Variants in DCUN1D4 observed in about 807,000 individuals in gnomAD.
The protein encoded by DCUN1D4 is DCN1-like protein 4.
DCUN1D4 carries 22 observed loss-of-function variants against 47.9 expected under a neutral mutation model. The observed-to-expected ratio is 0.46, with a 90% CI of 0.33 to 0.66. The LOEUF is 0.66. DCUN1D4 is among the 30% of genes least tolerant of loss of function. The probability of loss-of-function intolerance (pLI) is 0.02; values close to 1 mark genes in which losing one functional copy is unlikely to be tolerated. For synonymous variants in DCUN1D4, 121 were observed against 112.2 expected (o/e 1.08, Z -0.50); for missense variants, 301 against 340.8 (o/e 0.88, Z 0.92).
At chr4:51,867,915 AG>A (rs1170156689) in intron 3 of DCUN1D4, among the ~76,000 whole-genome samples, 2 of 152,186 alleles carry the variant, frequency 1.3e-5, no homozygotes, top group African/African-American at 4.8e-5. Context: ...GTTCGTGCCA[AG>A]GGGCACCTGC....
At chr4:51,869,086 T>C (rs1352504733) in intron 3 of DCUN1D4, among the ~76,000 whole-genome samples, 1 of 125,236 alleles carries the variant, frequency 8.0e-6, no homozygotes, top group Non-Finnish European at 1.5e-5. Flanking sequence ...CTCATGCCAC[T>C]GCACTGTAGC....
upstream of DCUN1D4, chr4:51,842,913 A>T: frequency 1.9e-6 from 1 of 513,130 alleles, no homozygotes; most frequent in Non-Finnish European, 2.9e-6. Context: ...GGTGACTGAC[A>T]GCAGCCGGGC....
chr4:51,865,855 A>T (rs1577901449), intron 3 of DCUN1D4, among the ~76,000 whole-genome samples: 1 of 152,078 alleles, frequency 6.6e-6, no homozygotes, highest in African/African-American at 2.4e-5. Context: ...TCAGCATTTC[A>T]CCTGAATCAC....
intron 7 of DCUN1D4, among the ~76,000 whole-genome samples, chr4:51,893,371 G>A (rs947495636): frequency 1.3e-5 from 2 of 151,854 alleles, no homozygotes; most frequent in Non-Finnish European, 2.9e-5. Flanking sequence ...CTATTCACTC[G>A]TTTTTTCATT....
the DCUN1D4 span, among the ~76,000 whole-genome samples, chr4:51,835,973 C>T: frequency 2.0e-3 from 312 of 152,282 alleles, no homozygotes; most frequent in Admixed American, 5.0e-3. Context: ...TTCCTCCTCC[C>T]ACTGCTCCAC....
chr4:51,887,114 T>C, intron 6 of DCUN1D4: 1 of 455,506 alleles, frequency 2.2e-6, no homozygotes, highest in Middle Eastern at 3.3e-4. Context: ...TTGCTTTTTT[T>C]TTTTTGAGAT....
intron 8 of DCUN1D4, among the ~76,000 whole-genome samples, chr4:51,902,145 G>A (rs1436315839): frequency 2.0e-5 from 3 of 152,116 alleles, no homozygotes; most frequent in Non-Finnish European, 4.4e-5. Flanking sequence ...TGTGGTCAGG[G>A]AACATACCCT....
At position 51,915,145 on chromosome 4, in the gene DCUN1D4, G is replaced by A. The variant is rs1338746882; in HGVS notation, c.*1561G>A. The A allele has an allele frequency of 3.9e-5, 6 of 152,482 alleles. No individual in the cohort carries two copies. The highest frequency in any genetic ancestry group is 3.2e-3 in the Middle Eastern group (1 of 316). The allele number at this position is 152,482 out of a possible 1,614,324, so 9.4% of individuals were successfully genotyped here. Reference sequence around the variant, plus strand: ...AAAGCACACAGACAGTGCTACTCTTGACCACTATTTTACCATTTCTTTGCA... The same window carrying A: ...AAAGCACACAGACAGTGCTACTCTTAACCACTATTTTACCATTTCTTTGCA... On this transcript the variant is annotated 3_prime_UTR_variant, in exon 11 of 11. Coordinates refer to ENST00000334635, the MANE Select transcript of DCUN1D4 (RefSeq NM_001040402.3).
intron 1 of DCUN1D4, among the ~76,000 whole-genome samples, chr4:51,861,315 G>A (rs1725013582): frequency 6.6e-6 from 1 of 152,116 alleles, no homozygotes; most frequent in South Asian, 2.1e-4. Context: ...GAAGGGCAGT[G>A]GGCAGAATGT....
chr4:51,867,304 C>T (rs1458389943), intron 3 of DCUN1D4, among the ~76,000 whole-genome samples: 12 of 152,210 alleles, frequency 7.9e-5, no homozygotes, highest in Admixed American at 2.6e-4. Context: ...GGTCTAGGCT[C>T]CTCAAAGGGC....
chr4:51,877,312 T>C (rs1426966405), intron 4 of DCUN1D4: 1 of 152,268 alleles, frequency 6.6e-6, no homozygotes, highest in African/African-American at 2.4e-5. Context: ...CTTAGTGTTC[T>C]CTTGAGTTGT....
chr4:51,837,738 C>A, the DCUN1D4 span, among the ~76,000 whole-genome samples: 1 of 147,746 alleles, frequency 6.8e-6, no homozygotes, highest in Admixed American at 6.7e-5. Flanking sequence ...TTCTCTATAT[C>A]CAGGAGAGGC....
intron 6 of DCUN1D4, chr4:51,886,869 AAAGGTACAGT>A: frequency 2.0e-6 from 1 of 498,688 alleles, no homozygotes; most frequent in South Asian, 2.1e-5. Flanking sequence ...CTTGTATGTA[AAAGGTACAGT>A]AAGCCAGATG....
chr4:51,901,686 C>T (rs979949878), intron 8 of DCUN1D4, among the ~76,000 whole-genome samples: 1 of 152,192 alleles, frequency 6.6e-6, no homozygotes, highest in African/African-American at 2.4e-5. Flanking sequence ...CAGTTACATA[C>T]CCCTGGTGTC....
upstream of DCUN1D4, among the ~76,000 whole-genome samples, chr4:51,841,638 T>C (rs937622510): frequency 3.3e-5 from 5 of 152,140 alleles, no homozygotes; most frequent in African/African-American, 1.2e-4. Context: ...TAAATAGTAT[T>C]ATAAGGATGT....
chr4:51,914,066 C>A lies in DCUN1D4; in HGVS notation c.*482C>A, dbSNP rs909360898. 4 of 153,388 alleles carry A rather than the reference C, an allele frequency of 2.6e-5. No homozygotes were observed. Among genetic ancestry groups the A allele is most frequent in the African/African-American group, 9.7e-5 (4 of 41,428 alleles). 9.5% of individuals were successfully genotyped at this position (153,388 alleles called of 1,614,324 possible). On this transcript the variant is annotated 3_prime_UTR_variant, in exon 11 of 11. Transcript: ENST00000334635. ...TTAACCTTACTGTTTAAGAGGCCAA[C>A]TTCTGGAAGGAGGTAGGAGTCATAA... is the stretch of plus-strand genomic sequence containing the variant.
At chr4:51,853,634 G>C (rs1723689679) in intron 1 of DCUN1D4, among the ~76,000 whole-genome samples, 1 of 152,212 alleles carries the variant, frequency 6.6e-6, no homozygotes, top group Non-Finnish European at 1.5e-5. Context: ...AATCACCTGG[G>C]CTGCTTGAGA....
At chr4:51,875,578 G>A (rs1727548305) in intron 4 of DCUN1D4, among the ~76,000 whole-genome samples, 1 of 152,052 alleles carries the variant, frequency 6.6e-6, no homozygotes, top group Non-Finnish European at 1.5e-5. Context: ...AGTTAACTGA[G>A]TTGTACACAC....
At chr4:51,871,634 A>G (rs1425641338) in intron 3 of DCUN1D4, among the ~76,000 whole-genome samples, 2 of 152,248 alleles carry the variant, frequency 1.3e-5, no homozygotes, top group Admixed American at 6.5e-5. Flanking sequence ...TTCTTCCTGC[A>G]TATACATCTA....
Sources: allele counts gnomAD v4.1 joint callset (sites outside exome capture counted in the v4.1 genomes callset), GRCh38; gene constraint gnomAD v4.1.1; transcripts MANE v1.5; gene names NCBI Gene and HGNC (gene_info 2026-07-23, HGNC 2026-07-21).